The following AK1 variants were observed in gnomAD, a reference collection of about 807,000 sequenced individuals.
AK1 encodes adenylate kinase isoenzyme 1.
AK1 carries 13 observed loss-of-function variants against 23.9 expected under a neutral mutation model. The ratio of observed to expected loss-of-function variants is 0.54; its 90% CI spans 0.35 to 0.86. The LOEUF is 0.86. Ranked by LOEUF, AK1 falls within the 40% of genes least tolerant of loss-of-function variation. The pLI is 0.01. For synonymous variants in AK1, 97 were observed against 102.8 expected (o/e 0.94, Z 0.34); for missense variants, 214 against 255.1 (o/e 0.84, Z 1.10).
intron 1 of AK1, among the ~76,000 whole-genome samples, chr9:127,876,544 T>C (rs1343223220): frequency 6.6e-6 from 1 of 152,152 alleles, no homozygotes; most frequent in East Asian, 1.9e-4. Flanking sequence ...CTGCTGAGTG[T>C]GCTTCAGCGG....
At chr9:127,874,560 G>C in intron 2 of AK1, 51 bp downstream of exon 2, 2 of 1,612,554 alleles carry the variant, frequency 1.2e-6, no homozygotes, top group Non-Finnish European at 1.7e-6. Context: ...CCCCTTAATA[G>C]TCAGGCACAC....
Position 127,871,941 on chromosome 9 carries a change from T to C in AK1, c.208-2A>G. 6.2e-7 allele frequency: 1 copy of C among 1,612,838 alleles called. No homozygotes were observed. Among genetic ancestry groups the C allele is most frequent in the Non-Finnish European group, 8.5e-7 (1 of 1,178,992 alleles). Reference sequence around the variant, plus strand: ...CCGGAGCATGTCCAACACTGTCTCCTGGGGCACAGCAAAGGAGGAAGGGGC... The same window carrying C: ...CCGGAGCATGTCCAACACTGTCTCCCGGGGCACAGCAAAGGAGGAAGGGGC... On this transcript the variant is annotated splice_acceptor_variant, in intron 4 of 6. Transcript: ENST00000644144. LOFTEE classifies it high-confidence loss of function. This position sits in a 1 kb window ranked among gnomAD's most constrained non-coding sequence, Gnocchi z 4.4.
chr9:127,870,476 G>A (rs1038005060), intron 5 of AK1, among the ~76,000 whole-genome samples: 5 of 152,152 alleles, frequency 3.3e-5, no homozygotes, highest in Non-Finnish European at 7.3e-5. Flanking sequence ...TAGGATCTCA[G>A]GCGTGAGCCA....
intron 1 of AK1, among the ~76,000 whole-genome samples, chr9:127,875,267 G>T (rs533442637): frequency 3.3e-5 from 5 of 151,654 alleles, no homozygotes; most frequent in Admixed American, 1.3e-4. Flanking sequence ...CCAGCCCCAC[G>T]CATGTCCCCT....
upstream of AK1, among the ~76,000 whole-genome samples, chr9:127,878,826 G>T (rs1829591447): frequency 6.6e-6 from 1 of 152,176 alleles, no homozygotes; most frequent in Non-Finnish European, 1.5e-5. Flanking sequence ...GTGCAGTGGG[G>T]TCAGAGGTGT....
In AK1 at chr9:127,868,352, G is replaced by C. The variant is rs758497870; in HGVS notation, c.485C>G (p.Ala162Gly). ...TYYKATEPVI[A>G]FYEKRGIVRK... ...CACAATGCCACGTTTCTCATAGAAGGCGATGACAGGTTCTGTGGCCTTGTA... is the reference window on the plus strand; with the variant it reads ...CACAATGCCACGTTTCTCATAGAAGCCGATGACAGGTTCTGTGGCCTTGTA... The change falls in exon 6 of 7, where the codon GCC becomes GGC. Residue 162 changes from alanine to glycine, a missense_variant. Physicochemically the swap from Ala to Gly is moderately conservative, Grantham distance 60 (BLOSUM62 0). Coordinates refer to ENST00000644144, the MANE Select transcript of AK1 (RefSeq NM_000476.3). This position sits in a 1 kb window ranked among gnomAD's most constrained non-coding sequence, Gnocchi z 4.1. 1.2e-6 allele frequency: 2 copies of C among 1,606,938 alleles called. No homozygotes were observed. Among genetic ancestry groups the C allele is most frequent in the Admixed American group, 3.4e-5 (2 of 58,996 alleles).
In AK1 at chr9:127,868,500, T is replaced by C; in HGVS notation, c.337A>G (p.Thr113Ala). Residue 113 changes from threonine to alanine, a missense_variant, in exon 6 of 7, where the codon ACA (threonine) becomes GCA (alanine). By Grantham distance (58) the Thr-to-Ala change is moderately conservative. Coordinates refer to ENST00000644144, the MANE Select transcript of AK1 (RefSeq NM_000476.3). This position sits in a 1 kb window ranked among gnomAD's most constrained non-coding sequence, Gnocchi z 4.1. The part of the protein sequence containing the change: ...EEFERRIGQP[T>A]LLLYVDAGPE... Reference sequence around the variant, plus strand: ...CCTGCGTCCACATACAGCAGCAGTGTGGGCTGTCCAATCTGCAGGCGGGCA... The same window carrying C: ...CCTGCGTCCACATACAGCAGCAGTGCGGGCTGTCCAATCTGCAGGCGGGCA... 1 of 1,588,098 alleles carries C rather than the reference T, an allele frequency of 6.3e-7. No individual in the cohort carries two copies. The highest frequency in any genetic ancestry group is 8.6e-7 in the Non-Finnish European group (1 of 1,166,664).
intron 2 of AK1, chr9:127,873,856 C>T (rs72616671): frequency 0.022 from 21,788 of 985,432 alleles, 248 homozygotes; most frequent in Non-Finnish European, 0.024. Context: ...TTAGGAAAGG[C>T]CTGCCCCTCT....
rs1203591360 is a variant in AK1, at chr9:127,871,097, C to T, written c.324+726G>A. Among the ~76,000 whole-genome samples the T allele has an allele frequency of 2.0e-5, 3 of 151,798 alleles. No individual in the cohort carries two copies. Among genetic ancestry groups the T allele is most frequent in the Admixed American group, 6.5e-5 (1 of 15,282 alleles). ...ACTGCCGTGTGTGTGCATGTGTGCA[C>T]ATGCCCCTGGCCTTGTGTGTATGAA... On this transcript the variant is annotated intron_variant, in intron 5 of 6. Transcript: ENST00000644144. This position sits in a 1 kb window ranked among gnomAD's most constrained non-coding sequence, Gnocchi z 4.4.
chr9:127,867,852 T>C lies in AK1; in HGVS notation c.*156A>G. On this transcript the variant is annotated 3_prime_UTR_variant, in exon 7 of 7. Transcript: ENST00000644144. Reference sequence around the variant, plus strand: ...AGTAAAACCAAATGTCCTTAGAAATTCCTTTAGTGCTCAGCTGTCCATGAA... The same window carrying C: ...AGTAAAACCAAATGTCCTTAGAAATCCCTTTAGTGCTCAGCTGTCCATGAA... 3 of 702,336 alleles carry C rather than the reference T, an allele frequency of 4.3e-6. No homozygotes were observed. The allele number at this position is 702,336 out of a possible 1,614,324, so 43.5% of individuals were successfully genotyped here.
rs2131387360 is a variant in AK1, at chr9:127,867,306, G to A, written c.*702C>T. The A allele has an allele frequency of 6.6e-6, 1 of 152,476 alleles. No homozygotes were observed. The highest frequency in any genetic ancestry group is 2.4e-5 in the African/African-American group (1 of 41,548). The allele number at this position is 152,476 out of a possible 1,614,324, so 9.4% of individuals were successfully genotyped here. A position where few individuals can be genotyped will look rare whatever the true frequency, so the allele number is the denominator to read the frequency against. ...GATTACAGGCATGAGCCACCTCATT[G>A]GGCCTCCCCCATTCAATTTCAGTGA... On this transcript the variant is annotated 3_prime_UTR_variant, in exon 7 of 7. Transcript: ENST00000644144.
At chr9:127,874,260 C>T in intron 2 of AK1, 1 of 985,428 alleles carries the variant, frequency 1.0e-6, no homozygotes, top group Non-Finnish European at 1.2e-6. Context: ...GATAGGGAAA[C>T]TGAGTCCCGG....
At position 127,875,650 on chromosome 9, in the gene AK1, G is replaced by A. The variant is rs148633083; in HGVS notation, c.-32-1001C>T. Among the ~76,000 whole-genome samples, 447 of 151,614 alleles carry A rather than the reference G, an allele frequency of 2.9e-3. 9 individuals are homozygous for A. The East Asian group carries it at 0.068, about 23-fold the overall frequency. ...GCCCAGGCCTTTCTCTCCAGCCCCA[G>A]ACATCCATGCCCCCGAGACAGGCCC... On this transcript the variant is annotated intron_variant, in intron 1 of 6. Coordinates refer to ENST00000644144, the MANE Select transcript of AK1 (RefSeq NM_000476.3).
At chr9:127,876,434 G>T (rs540265580) in intron 1 of AK1, among the ~76,000 whole-genome samples, 5 of 152,202 alleles carry the variant, frequency 3.3e-5, no homozygotes, top group Non-Finnish European at 5.9e-5. Flanking sequence ...GGTCCAACTC[G>T]GCCCTGAGTT....
chr9:127,876,769 G>T (rs1373398871), intron 1 of AK1, among the ~76,000 whole-genome samples: 1 of 152,152 alleles, frequency 6.6e-6, no homozygotes. Flanking sequence ...GAGGACAGGG[G>T]TCTAGGATGG....
intron 1 of AK1, 176 bp from the exon 2 acceptor site, chr9:127,874,825 G>A: frequency 1.6e-6 from 1 of 635,710 alleles, no homozygotes; most frequent in Non-Finnish European, 2.8e-6. Flanking sequence ...AGCCACCTTG[G>A]GAAAGTGACC....
In AK1 at chr9:127,868,755, ACT is replaced by A. The variant is rs1226568683; in HGVS notation, c.325-245_325-244del. Reference sequence around the variant, plus strand: ...CTACTTGCCAGACTGAGAGAGCCTGACTCTCTCTGCTCTAGGCTCTCATCAAC... The same window carrying A: ...CTACTTGCCAGACTGAGAGAGCCTGACTCTCTGCTCTAGGCTCTCATCAAC... On this transcript the variant is annotated intron_variant, in intron 5 of 6. Transcript: ENST00000644144. This position sits in a 1 kb window ranked among gnomAD's most constrained non-coding sequence, Gnocchi z 4.1. Among the ~76,000 whole-genome samples, 1 of 151,820 alleles carries A rather than the reference ACT, an allele frequency of 6.6e-6. No individual in the cohort carries two copies. Among genetic ancestry groups the A allele is most frequent in the Non-Finnish European group, 1.5e-5 (1 of 67,970 alleles).
At position 127,868,303 on chromosome 9, in the gene AK1, TGG is replaced by T. The variant is rs1491288826; in HGVS notation, c.516+16_516+17del. On this transcript the variant is annotated intron_variant, in intron 6 of 6. Coordinates refer to ENST00000644144, the MANE Select transcript of AK1 (RefSeq NM_000476.3). The surrounding 1 kb of genome is among the most constrained non-coding windows in gnomAD (Gnocchi z 4.1). ...AACCCGTTCTTCCCGGAGCTGCCCC[TGG>T]GCCCGCGGGGCCCACCTTGCGCACA... 4 of 1,561,884 alleles carry T rather than the reference TGG, an allele frequency of 2.6e-6. No individual in the cohort carries two copies. The East Asian group carries it at 9.5e-5, about 37-fold the overall frequency.
intron 2 of AK1, chr9:127,873,640 C>T (rs1271401132): frequency 4.3e-6 from 6 of 1,405,294 alleles, no homozygotes; most frequent in Non-Finnish European, 5.5e-6. Flanking sequence ...GAGCTTGGCT[C>T]CAACCTCTGT....
Sources: gnomAD v4.1 joint callset for allele counts (sites outside exome capture counted in the v4.1 genomes callset) on GRCh38, gnomAD v4.1.1 for gene constraint, Gnocchi (gnomAD v3.1) non-coding constraint, MANE v1.5 for transcripts, NCBI Gene and HGNC (gene_info 2026-07-23, HGNC 2026-07-21) for gene names.